Variants in CFAP43 observed in about 807,000 individuals in gnomAD.
CFAP43 encodes the protein cilia- and flagella-associated protein 43.
CFAP43 carries 155 observed loss-of-function variants against 218.9 expected under a neutral mutation model. That is an observed-to-expected ratio of 0.71 (90% CI 0.62 to 0.81). The LOEUF (loss-of-function observed/expected upper bound fraction) is 0.81. CFAP43 is among the 30% of genes least tolerant of loss of function. The pLI is 0.00. For synonymous variants in CFAP43, 645 were observed against 681.3 expected (o/e 0.95, Z 0.83); for missense variants, 1,778 against 1,954.3 (o/e 0.91, Z 1.70).
At chr10:104,215,390 C>A (rs926984007) in intron 3 of CFAP43, among the ~76,000 whole-genome samples, 1 of 152,172 alleles carries the variant, frequency 6.6e-6, no homozygotes, top group Non-Finnish European at 1.5e-5. Flanking sequence ...TCACTCCCTC[C>A]TGCCCTCATC....
Position 104,152,637 on chromosome 10 carries a change from C to G in CFAP43, c.3630G>C (p.Arg1210Ser). 1.9e-6 allele frequency: 3 copies of G among 1,613,802 alleles called. No homozygotes were observed. Among genetic ancestry groups the G allele is most frequent in the Non-Finnish European group, 2.5e-6 (3 of 1,179,864 alleles). ...FDEHLKRLFE[R>S]RVKAEMVTNQ... Reference sequence around the variant, plus strand: ...TGGTAACCATCTCTGCCTTCACTCTCCTTTCAAAAAGTCTTTTCAAATGTT... The same window carrying G: ...TGGTAACCATCTCTGCCTTCACTCTGCTTTCAAAAAGTCTTTTCAAATGTT... The change falls in exon 28 of 38, where the codon AGG (arginine) becomes AGC (serine). Residue 1210 changes from arginine to serine, a missense_variant. Arg to Ser is a moderately radical substitution (Grantham distance 110). Around this residue, in one of 3 missense-constraint regions of CFAP43, gnomAD observed 1,553 missense variants for 1,685.2 expected, o/e 0.92. Transcript: ENST00000357060.
In CFAP43 at chr10:104,145,645, G is replaced by A. The variant is rs1434990611; in HGVS notation, c.3856-81C>T. The stretch of plus-strand genomic sequence containing the variant: ...GTTGACAATACTCTTCAAAATACAG[G>A]TGGTAGCACTTTGGTTTTAAAAATG... On this transcript the variant is annotated intron_variant, in intron 30 of 37. Transcript: ENST00000357060. 3 of 881,890 alleles carry A rather than the reference G, an allele frequency of 3.4e-6. No homozygotes were observed. The Admixed American group carries it at 7.3e-5, about 22-fold the overall frequency. 54.6% of individuals were successfully genotyped at this position (881,890 alleles called of 1,614,324 possible). A position where few individuals can be genotyped will look rare whatever the true frequency, so the allele number is the denominator to read the frequency against.
chr10:104,158,901 CAA>C (rs1491278369), intron 27 of CFAP43, among the ~76,000 whole-genome samples: 1 of 151,710 alleles, frequency 6.6e-6, no homozygotes, highest in Non-Finnish European at 1.5e-5. Context: ...TATACATATA[CAA>C]TATATATATA....
intron 17 of CFAP43, among the ~76,000 whole-genome samples, chr10:104,181,495 T>C (rs1019138359): frequency 1.1e-4 from 17 of 152,242 alleles, no homozygotes; most frequent in African/African-American, 4.1e-4. Context: ...GTTAATCCTG[T>C]GTTCAGAACA....
chr10:104,179,994 TC>T, intron 17 of CFAP43, 62 bp from the exon 18 acceptor site: 1 of 1,310,558 alleles, frequency 7.6e-7, no homozygotes, highest in Non-Finnish European at 1.1e-6. Context: ...GTTTTTCCCC[TC>T]CCACCCTACC....
intron 28 of CFAP43, 23 bp from the exon 29 acceptor site, chr10:104,148,021 G>A: frequency 6.7e-7 from 1 of 1,498,670 alleles, no homozygotes; most frequent in Non-Finnish European, 9.0e-7. Context: ...TTAAGAAAAA[G>A]GTTGGTGGAA....
At chr10:104,190,933 A>C (rs2090189953) in intron 12 of CFAP43, among the ~76,000 whole-genome samples, 1 of 152,202 alleles carries the variant, frequency 6.6e-6, no homozygotes, top group Non-Finnish European at 1.5e-5. Flanking sequence ...TGGAGAGATA[A>C]TAGTAGTATC....
chr10:104,185,890 C>G, intron 15 of CFAP43, 84 bp downstream of exon 15: 1 of 1,287,954 alleles, frequency 7.8e-7, no homozygotes, highest in South Asian at 1.5e-5. Flanking sequence ...CATATATAAG[C>G]AAATTTTTAT....
At position 104,192,234 on chromosome 10, in the gene CFAP43, T is replaced by C. The variant is rs774562076; in HGVS notation, c.1511A>G (p.Asn504Ser). Residue 504 changes from asparagine (N) to serine (S), a missense_variant, in exon 12 of 38, where the codon AAC (asparagine) becomes AGC (serine). Around this residue, in one of 3 missense-constraint regions of CFAP43, gnomAD observed 1,553 missense variants for 1,685.2 expected, o/e 0.92. Transcript: ENST00000357060. ...AEGKVFIINA[N>S]SSSSFQIIGF... Reference sequence around the variant, plus strand: ...AATAATCTGAAATGAGCTTGAGGAGTTGGCATTGATAATAAAGACTTTTCC... The same window carrying C: ...AATAATCTGAAATGAGCTTGAGGAGCTGGCATTGATAATAAAGACTTTTCC... The C allele has an allele frequency of 2.7e-5, 44 of 1,612,534 alleles. No homozygotes were observed. Among genetic ancestry groups the C allele is most frequent in the Admixed American group, 1.7e-4 (10 of 59,894 alleles).
At chr10:104,151,452 T>C (rs1445540789) in intron 28 of CFAP43, among the ~76,000 whole-genome samples, 1 of 152,212 alleles carries the variant, frequency 6.6e-6, no homozygotes. Context: ...TAGTGTGAGA[T>C]GGTATCTGGT....
chr10:104,130,185 A>C lies in CFAP43; in HGVS notation c.4952T>G (p.Val1651Gly). 1 of 1,607,672 alleles carries C rather than the reference A, an allele frequency of 6.2e-7. No homozygotes were observed. Among genetic ancestry groups the C allele is most frequent in the Non-Finnish European group, 8.5e-7 (1 of 1,178,222 alleles). The change falls in exon 38 of 38, where the codon GTT becomes GGT. Residue 1651 changes from valine to glycine, a missense_variant. This residue lies in a region of CFAP43 where 211 missense variants were observed against 230.6 expected (regional missense o/e 0.91). Coordinates refer to ENST00000357060, the MANE Select transcript of CFAP43 (RefSeq NM_025145.7). ...AEQISILQTE[V>G]ERLRMKTFPA... is the part of the protein sequence containing the mutation. ...AAATGTTTTCATTCTTAATCTTTCA[A>C]CTTCAGTCTGTAGTATTGAAATCTG...
At chr10:104,152,359 T>C (rs1028636756) in intron 28 of CFAP43, among the ~76,000 whole-genome samples, 5 of 152,074 alleles carry the variant, frequency 3.3e-5, no homozygotes, top group African/African-American at 9.7e-5. Context: ...CAAAGAAGTG[T>C]TGGTAGACAG....
intron 28 of CFAP43, among the ~76,000 whole-genome samples, chr10:104,148,470 G>A (rs955803211): frequency 3.3e-5 from 5 of 152,256 alleles, no homozygotes; most frequent in African/African-American, 7.2e-5. Flanking sequence ...ATGTTGAAAC[G>A]TGATCCCTGG....
chr10:104,168,803 C>T lies in CFAP43; in HGVS notation c.2632G>A (p.Ala878Thr), dbSNP rs1461365415. The T allele has an allele frequency of 2.5e-6, 4 of 1,613,932 alleles. No homozygotes were observed. The highest frequency in any genetic ancestry group is 3.4e-6 in the Non-Finnish European group (4 of 1,180,010). Residue 878 changes from alanine (A) to threonine (T), a missense_variant, in exon 21 of 38, where the codon GCT (alanine) becomes ACT (threonine). By Grantham distance (58) the Ala-to-Thr change is moderately conservative. Transcript: ENST00000357060. Reference protein sequence around the residue: ...EMHNLAKSYLAELIKEECWNS... With the variant: ...EMHNLAKSYLTELIKEECWNS... ...CAACATTCTTCTTTGATAAGTTCAG[C>T]CAAATAGCTCTTGGCTAAGTTATGC...
chr10:104,147,679 G>T lies in CFAP43; in HGVS notation c.3768+212C>A, dbSNP rs189336722. On this transcript the variant is annotated intron_variant, in intron 29 of 37. Coordinates refer to ENST00000357060, the MANE Select transcript of CFAP43 (RefSeq NM_025145.7). Reference sequence around the variant, plus strand: ...CAGTTCTTTTGGCTAAATGATTGCAGATGCAGAATCACCTAACTTTATTAA... The same window carrying T: ...CAGTTCTTTTGGCTAAATGATTGCATATGCAGAATCACCTAACTTTATTAA... Among the ~76,000 whole-genome samples the T allele has an allele frequency of 3.3e-3, 506 of 152,284 alleles. 2 individuals carry two copies. Among genetic ancestry groups the T allele is most frequent in the African/African-American group, 0.011 (470 of 41,542 alleles).
intron 17 of CFAP43, among the ~76,000 whole-genome samples, chr10:104,180,755 C>G (rs1050662470): frequency 4.6e-5 from 7 of 152,162 alleles, no homozygotes; most frequent in Admixed American, 3.3e-4. Context: ...GCCGGCCCAC[C>G]ACCCTGTTTC....
chr10:104,205,923 T>C (rs1350487830), intron 7 of CFAP43, 40 bp downstream of exon 7: 1 of 1,555,758 alleles, frequency 6.4e-7, no homozygotes. Flanking sequence ...AATTGTGAAT[T>C]TTCTTTAAAC....
At chr10:104,218,184 T>G (rs1336046834) in intron 3 of CFAP43, among the ~76,000 whole-genome samples, 9 of 151,322 alleles carry the variant, frequency 5.9e-5, no homozygotes, top group Non-Finnish European at 1.3e-4. Flanking sequence ...CCGTCTCTAC[T>G]AAAAATACAA....
At chr10:104,195,586 T>C (rs1200579011) in intron 10 of CFAP43, among the ~76,000 whole-genome samples, 1 of 152,214 alleles carries the variant, frequency 6.6e-6, no homozygotes, top group Non-Finnish European at 1.5e-5. Flanking sequence ...TAGTCTTTTA[T>C]AATTAAGATT....
Sources: gnomAD v4.1 joint callset for allele counts (sites outside exome capture counted in the v4.1 genomes callset) on GRCh38, gnomAD v4.1.1 for gene constraint, gnomAD v4.1.1 regional missense constraint, MANE v1.5 for transcripts, NCBI Gene and HGNC (gene_info 2026-07-23, HGNC 2026-07-21) for gene names.